Variants in DPY19L2 observed in about 807,000 individuals in gnomAD.
The protein encoded by DPY19L2 is probable C-mannosyltransferase DPY19L2.
Under a neutral mutation model 97.9 loss-of-function variants are expected in DPY19L2, and 34 were observed. That is an observed-to-expected ratio of 0.35 (90% CI 0.26 to 0.46). The LOEUF (loss-of-function observed/expected upper bound fraction) is 0.46. Ranked by LOEUF, DPY19L2 falls within the 20% of genes least tolerant of loss-of-function variation. The probability of loss-of-function intolerance (pLI) is 1.00; values close to 1 mark genes in which losing one functional copy is unlikely to be tolerated. For missense variants in DPY19L2, 623 were observed against 911.4 expected, an observed-to-expected ratio of 0.68 and a Z score of 4.07; for synonymous variants, 230 against 307.9, an observed-to-expected ratio of 0.75 and a Z score of 2.65.
chr12:63,571,797 C>G (rs970310087), intron 19 of DPY19L2, among the ~76,000 whole-genome samples: 8 of 152,116 alleles, frequency 5.3e-5, no homozygotes, highest in Non-Finnish European at 1.2e-4. Context: ...TCCATTTCAT[C>G]TCTTGAAATA....
At chr12:63,662,093 TATAAA>T (rs1476114587) in intron 3 of DPY19L2, among the ~76,000 whole-genome samples, 1 of 152,130 alleles carries the variant, frequency 6.6e-6, no homozygotes, top group African/African-American at 2.4e-5. Flanking sequence ...CACTTCAGCA[TATAAA>T]ATAAAGGCTT....
At chr12:63,576,854 A>G (rs1879935653) in intron 19 of DPY19L2, among the ~76,000 whole-genome samples, 1 of 152,122 alleles carries the variant, frequency 6.6e-6, no homozygotes, top group Non-Finnish European at 1.5e-5. Context: ...TAAAATGTCC[A>G]TACTATTCAA....
intron 14 of DPY19L2, among the ~76,000 whole-genome samples, chr12:63,596,266 T>C (rs1884219191): frequency 6.6e-6 from 1 of 152,020 alleles, no homozygotes; most frequent in Non-Finnish European, 1.5e-5. Context: ...AATTTATTAT[T>C]TTAATAAAAC....
At chr12:63,585,788 G>A (rs553148305) in intron 16 of DPY19L2, among the ~76,000 whole-genome samples, 13 of 152,294 alleles carry the variant, frequency 8.5e-5, no homozygotes, top group African/African-American at 2.2e-4. Context: ...GACCTCTCAT[G>A]AAACAGCCAA....
In DPY19L2 at chr12:63,559,051, C is replaced by T. The variant is rs1213340433; in HGVS notation, c.*1461G>A. ...AAATATTTCCTGTAAAAACATCATC[C>T]AAAATATACTTTGTTAATTTTTATG... On this transcript the variant is annotated 3_prime_UTR_variant, in exon 22 of 22. Coordinates refer to ENST00000324472, the MANE Select transcript of DPY19L2 (RefSeq NM_173812.5). 1 of 152,026 alleles carries T rather than the reference C, an allele frequency of 6.6e-6. No homozygotes were observed. Among genetic ancestry groups the T allele is most frequent in the Non-Finnish European group, 1.5e-5 (1 of 67,994 alleles). 9.4% of individuals were successfully genotyped at this position (152,026 alleles called of 1,614,324 possible).
Position 63,668,398 on chromosome 12 carries a change from AAGG to A in DPY19L2, c.-8_-6del, listed in dbSNP as rs1211393245. 1 of 1,603,466 alleles carries A rather than the reference AAGG, an allele frequency of 6.2e-7. No homozygotes were observed. Among genetic ancestry groups the A allele is most frequent in the Non-Finnish European group, 8.5e-7 (1 of 1,175,296 alleles). ...GCTTACTCCTTGTTTTCTCATAATC[AAGG>A]AGTATGGTGGAGCTGGGTCAATTTC... On this transcript the variant is annotated 5_prime_UTR_variant, in exon 1 of 22. Coordinates refer to ENST00000324472, the MANE Select transcript of DPY19L2 (RefSeq NM_173812.5).
intron 21 of DPY19L2, among the ~76,000 whole-genome samples, chr12:63,566,539 C>T (rs1877747917): frequency 1.3e-5 from 2 of 150,694 alleles, no homozygotes; most frequent in East Asian, 4.0e-4. Flanking sequence ...CAAATGGAAT[C>T]ATACAGTATG....
At chr12:63,663,950 T>A (rs74871045) in intron 2 of DPY19L2, 105 bp from the exon 3 acceptor site, 11 of 682,650 alleles carry the variant, frequency 1.6e-5, no homozygotes, top group Middle Eastern at 3.9e-4. Context: ...AATTGTTATA[T>A]TAATTTTATA....
intron 6 of DPY19L2, among the ~76,000 whole-genome samples, chr12:63,629,826 G>T (rs1005195607): frequency 6.6e-6 from 1 of 152,096 alleles, no homozygotes; most frequent in African/African-American, 2.4e-5. Context: ...GAAAGGTCAG[G>T]TTACCCACAA....
At chr12:63,659,629 GAGAATAATAGAGTCC>G (rs1268612951) in intron 4 of DPY19L2, among the ~76,000 whole-genome samples, 2 of 152,080 alleles carry the variant, frequency 1.3e-5, no homozygotes, top group African/African-American at 4.8e-5. Flanking sequence ...TATAGATCAA[GAGAATAATAGAGTCC>G]AGAAACAGAT....
At chr12:63,648,273 A>T (rs1188887963) in intron 4 of DPY19L2, among the ~76,000 whole-genome samples, 1 of 152,094 alleles carries the variant, frequency 6.6e-6, no homozygotes, top group Non-Finnish European at 1.5e-5. Context: ...ATTCTTTATA[A>T]ATTACCTAGT....
At chr12:63,612,026 A>G (rs1197605655) in intron 11 of DPY19L2, among the ~76,000 whole-genome samples, 1 of 152,106 alleles carries the variant, frequency 6.6e-6, no homozygotes, top group Non-Finnish European at 1.5e-5. Flanking sequence ...ATCTCTAGCT[A>G]GGAATAGCTA....
intron 6 of DPY19L2, among the ~76,000 whole-genome samples, chr12:63,632,125 C>A (rs1231990798): frequency 2.6e-5 from 4 of 152,030 alleles, no homozygotes; most frequent in East Asian, 1.9e-4. Flanking sequence ...ATAGGCAAAA[C>A]CTGGAAGCAT....
intron 12 of DPY19L2, among the ~76,000 whole-genome samples, chr12:63,607,508 T>C (rs1886254932): frequency 1.3e-5 from 2 of 152,302 alleles, no homozygotes; most frequent in South Asian, 4.1e-4. Context: ...AATCTTTCTA[T>C]ATTTTCACCA....
intron 8 of DPY19L2, among the ~76,000 whole-genome samples, chr12:63,623,308 T>C (rs952133515): frequency 1.2e-4 from 18 of 152,144 alleles, no homozygotes; most frequent in Admixed American, 3.9e-4. Flanking sequence ...TGTTCAGAAA[T>C]GCTTCATAAA....
chr12:63,642,931 T>C (rs1287725650), intron 6 of DPY19L2, among the ~76,000 whole-genome samples: 5 of 152,110 alleles, frequency 3.3e-5, no homozygotes, highest in Non-Finnish European at 5.9e-5. Context: ...TTCCTAGACA[T>C]ATCTCAGGAA....
intron 15 of DPY19L2, among the ~76,000 whole-genome samples, chr12:63,595,020 C>T (rs1277440558): frequency 6.6e-6 from 1 of 152,162 alleles, no homozygotes; most frequent in Non-Finnish European, 1.5e-5. Flanking sequence ...ACTCTTCCCA[C>T]GTGGTCTGCA....
intron 6 of DPY19L2, among the ~76,000 whole-genome samples, chr12:63,630,506 A>G (rs1367426824): frequency 6.6e-6 from 1 of 152,190 alleles, no homozygotes; most frequent in African/African-American, 2.4e-5. Context: ...CAATTCAACA[A>G]GAAGAGCTAA....
intron 3 of DPY19L2, among the ~76,000 whole-genome samples, chr12:63,662,976 G>A (rs150006190): frequency 0.022 from 3,375 of 152,288 alleles, 142 homozygotes; most frequent in African/African-American, 0.077. Context: ...AGTTCTGGAT[G>A]TGGACAGTGG....
Sources: gnomAD v4.1 joint callset for allele counts (sites outside exome capture counted in the v4.1 genomes callset) on GRCh38, gnomAD v4.1.1 for gene constraint, MANE v1.5 for transcripts, NCBI Gene and HGNC (gene_info 2026-07-23, HGNC 2026-07-21) for gene names.